The following TMEM135 variants were observed in gnomAD, a reference collection of about 807,000 sequenced individuals.
TMEM135 encodes peroxisomal membrane protein 52.
TMEM135 carries 30 observed loss-of-function variants against 60.3 expected under a neutral mutation model. That is an observed-to-expected ratio of 0.50 (90% CI 0.37 to 0.68). The LOEUF (loss-of-function observed/expected upper bound fraction) is 0.68, where lower values mean the gene tolerates loss of function less well. TMEM135 is among the 30% of genes least tolerant of loss of function. The pLI is 0.00. For synonymous variants in TMEM135, 190 were observed against 186.7 expected, an observed-to-expected ratio of 1.02 and a Z score of -0.14; for missense variants, 468 against 548.8, an observed-to-expected ratio of 0.85 and a Z score of 1.47.
intron 6 of TMEM135, among the ~76,000 whole-genome samples, chr11:87,253,144 A>G (rs1269691221): frequency 6.6e-6 from 1 of 152,128 alleles, no homozygotes; most frequent in East Asian, 1.9e-4. Context: ...TCATTTGTTG[A>G]GTGTACTCTA....
chr11:87,223,965 G>A (rs1199928341), intron 5 of TMEM135, among the ~76,000 whole-genome samples: 3 of 152,314 alleles, frequency 2.0e-5, no homozygotes, highest in Non-Finnish European at 4.4e-5. Flanking sequence ...CAGCTGGATA[G>A]GTCCAAACCA....
chr11:87,107,221 A>G (rs757842718), intron 4 of TMEM135, among the ~76,000 whole-genome samples: 7 of 152,016 alleles, frequency 4.6e-5, no homozygotes, highest in Non-Finnish European at 1.0e-4. Flanking sequence ...CTAATAATTT[A>G]TCCATTTCTT....
chr11:87,119,777 TAGG>T (rs775163720), intron 4 of TMEM135, among the ~76,000 whole-genome samples: 5 of 152,172 alleles, frequency 3.3e-5, no homozygotes, highest in Non-Finnish European at 7.3e-5. Flanking sequence ...TTTGAAATGT[TAGG>T]AGAATTACCA....
intron 5 of TMEM135, among the ~76,000 whole-genome samples, chr11:87,163,017 C>CT (rs34718412): frequency 0.022 from 3,106 of 143,378 alleles, 31 homozygotes; most frequent in South Asian, 0.032. Context: ...TAAATGTCTT[C>CT]TTTTTTTTTT....
At chr11:87,238,833 C>A (rs956982837) in intron 6 of TMEM135, among the ~76,000 whole-genome samples, 1 of 151,988 alleles carries the variant, frequency 6.6e-6, no homozygotes, top group African/African-American at 2.4e-5. Flanking sequence ...TGTTGACATA[C>A]ACAAGAAGAA....
chr11:87,165,749 A>G (rs1424578655), intron 5 of TMEM135, among the ~76,000 whole-genome samples: 4 of 151,260 alleles, frequency 2.6e-5, no homozygotes, highest in Admixed American at 1.3e-4. Context: ...TCAGAGCAGA[A>G]CTGAAGGAAA....
intron 6 of TMEM135, among the ~76,000 whole-genome samples, chr11:87,247,875 A>C (rs574850589): frequency 6.6e-6 from 1 of 151,820 alleles, no homozygotes; most frequent in East Asian, 2.0e-4. Context: ...TACTGCACCC[A>C]CTCTCTGGCA....
chr11:87,279,232 G>GA (rs1942018399), intron 6 of TMEM135, among the ~76,000 whole-genome samples: 2 of 151,818 alleles, frequency 1.3e-5, no homozygotes, highest in Admixed American at 6.6e-5. Flanking sequence ...TTGGAGGAAG[G>GA]CCTGTAGTGA....
At chr11:87,167,127 G>T (rs1056907645) in intron 5 of TMEM135, among the ~76,000 whole-genome samples, 10 of 152,120 alleles carry the variant, frequency 6.6e-5, no homozygotes, top group African/African-American at 2.4e-4. Flanking sequence ...CAATGTGTAG[G>T]AATGCTTGTG....
At position 87,128,586 on chromosome 11, in the gene TMEM135, A is replaced by G. The variant is rs369744206; in HGVS notation, c.397-28755A>G. ...CTTTGATGTATGTTTAGATACCTTC[A>G]GGATACTTGATGAACTGTTTTGTTA... is the stretch of plus-strand genomic sequence containing the variant. On this transcript the variant is annotated intron_variant, in intron 4 of 14. Transcript: ENST00000305494. Among the ~76,000 whole-genome samples the G allele has an allele frequency of 6.6e-5, 10 of 152,356 alleles. No individual in the cohort carries two copies. In the South Asian group the frequency reaches 1.7e-3, roughly 25 times the overall value.
At chr11:87,249,435 A>C (rs533020023) in intron 6 of TMEM135, among the ~76,000 whole-genome samples, 1 of 151,776 alleles carries the variant, frequency 6.6e-6, no homozygotes, top group South Asian at 2.1e-4. Context: ...TGTCTTGTTG[A>C]TCTTTTGTAT....
intron 7 of TMEM135, among the ~76,000 whole-genome samples, chr11:87,299,211 G>A (rs1942403018): frequency 6.6e-6 from 1 of 152,352 alleles, no homozygotes; most frequent in South Asian, 2.1e-4. Flanking sequence ...AGACTGGTTA[G>A]TGTATAAACA....
At position 87,324,680 on chromosome 11, in the gene TMEM135, G is replaced by T. The variant is rs549459759; in HGVS notation, c.*3347G>T. 6.6e-6 allele frequency: 3 copies of T among 453,336 alleles called. No homozygotes were observed. The highest frequency in any genetic ancestry group is 2.4e-5 in the Admixed American group (1 of 42,502). 28.1% of individuals were successfully genotyped at this position (453,336 alleles called of 1,614,324 possible). ...TCCTGGCCTCAAGTGATCCTCTTGG[G>T]TTGGCCTCCCGGGACTCTGGGATTC... On this transcript the variant is annotated 3_prime_UTR_variant, in exon 15 of 15. Transcript: ENST00000305494.
At chr11:87,256,432 A>G (rs1591144950) in intron 6 of TMEM135, among the ~76,000 whole-genome samples, 2 of 152,332 alleles carry the variant, frequency 1.3e-5, no homozygotes, top group East Asian at 3.9e-4. Context: ...GATACCTTAA[A>G]GAATTAACTT....
intron 7 of TMEM135, among the ~76,000 whole-genome samples, chr11:87,296,899 A>G (rs1325797370): frequency 6.6e-6 from 1 of 152,152 alleles, no homozygotes; most frequent in Non-Finnish European, 1.5e-5. Context: ...TGAAAAGTTT[A>G]TATTAGGGAA....
chr11:87,258,820 G>T (rs636320), intron 6 of TMEM135: 3 of 645,186 alleles, frequency 4.6e-6, no homozygotes, highest in South Asian at 1.7e-5. Context: ...CTTCTCCCAC[G>T]GAGACAGCTC....
intron 4 of TMEM135, among the ~76,000 whole-genome samples, chr11:87,146,526 G>A (rs1295777474): frequency 6.6e-6 from 1 of 152,130 alleles, no homozygotes; most frequent in Non-Finnish European, 1.5e-5. Flanking sequence ...CTACTTCCGT[G>A]TGTGAGCCAC....
At chr11:87,116,795 A>G (rs1268550946) in intron 4 of TMEM135, among the ~76,000 whole-genome samples, 2 of 151,802 alleles carry the variant, frequency 1.3e-5, no homozygotes, top group Non-Finnish European at 2.9e-5. Context: ...TGTTTACATT[A>G]TATTGTAGTT....
intron 4 of TMEM135, among the ~76,000 whole-genome samples, chr11:87,128,358 C>T (rs1443759417): frequency 6.6e-6 from 1 of 152,126 alleles, no homozygotes; most frequent in East Asian, 1.9e-4. Context: ...GATCTTTGCT[C>T]TAGCTGTTTC....
Sources: gnomAD v4.1 joint callset for allele counts (sites outside exome capture counted in the v4.1 genomes callset) on GRCh38, gnomAD v4.1.1 for gene constraint, MANE v1.5 for transcripts, NCBI Gene and HGNC (gene_info 2026-07-23, HGNC 2026-07-21) for gene names.